CSMD1: variants seen among roughly 807,000 people sequenced by gnomAD.
CSMD1 encodes CUB and sushi domain-containing protein 1.
Under a neutral mutation model 417.5 loss-of-function variants are expected in CSMD1, and 213 were observed. The ratio of observed to expected loss-of-function variants is 0.51; its 90% CI spans 0.46 to 0.57. The LOEUF (loss-of-function observed/expected upper bound fraction) is 0.57, where lower values mean the gene tolerates loss of function less well. Among genes scored for constraint, CSMD1 ranks in the 20% least tolerant of loss-of-function variants. The pLI is 0.00. For missense variants in CSMD1, 6,923 were observed against 4,529.7 expected, an observed-to-expected ratio of 1.53 and a Z score of -15.17; for synonymous variants, 2,862 against 1,736.8, an observed-to-expected ratio of 1.65 and a Z score of -16.11.
chr8:3,734,446 C>T (rs550425378), intron 6 of CSMD1, among the ~76,000 whole-genome samples: 3 of 152,338 alleles, frequency 2.0e-5, no homozygotes, highest in East Asian at 1.9e-4. Flanking sequence ...TGCGATGGCT[C>T]ACGCCTGTAA....
At chr8:4,232,402 T>G (rs544959893) in intron 3 of CSMD1, among the ~76,000 whole-genome samples, 35 of 152,290 alleles carry the variant, frequency 2.3e-4, no homozygotes, top group African/African-American at 8.4e-4. Context: ...TTTCCCCACG[T>G]TGGCCAGCTT....
chr8:3,688,076 G>A (rs1039053642), intron 7 of CSMD1, among the ~76,000 whole-genome samples: 4 of 152,214 alleles, frequency 2.6e-5, no homozygotes, highest in African/African-American at 9.6e-5. Flanking sequence ...TCCTCAGGAA[G>A]TTCAGCAGGC....
chr8:3,792,545 A>T (rs1016642407), intron 5 of CSMD1, among the ~76,000 whole-genome samples: 1 of 152,182 alleles, frequency 6.6e-6, no homozygotes, highest in African/African-American at 2.4e-5. Flanking sequence ...TATTTTTCAG[A>T]CTAGTAACTT....
intron 1 of CSMD1, among the ~76,000 whole-genome samples, chr8:4,945,131 G>C (rs747935356): frequency 6.6e-6 from 1 of 152,146 alleles, no homozygotes; most frequent in Non-Finnish European, 1.5e-5. Flanking sequence ...TATAATCAGC[G>C]TAATTAGCCA....
chr8:3,658,521 G>A (rs956679085), intron 7 of CSMD1, among the ~76,000 whole-genome samples: 5 of 149,522 alleles, frequency 3.3e-5, no homozygotes, highest in African/African-American at 9.8e-5. Context: ...GGTGTCTCAT[G>A]CCTGTAATCC....
intron 12 of CSMD1, among the ~76,000 whole-genome samples, chr8:3,416,531 A>G (rs1345769747): frequency 6.6e-6 from 1 of 152,176 alleles, no homozygotes; most frequent in African/African-American, 2.4e-5. Flanking sequence ...GAAGGCAGAA[A>G]GGAATGAGAC....
At chr8:4,704,883 G>A (rs1807819979) in intron 1 of CSMD1, among the ~76,000 whole-genome samples, 1 of 152,070 alleles carries the variant, frequency 6.6e-6, no homozygotes, top group African/African-American at 2.4e-5. Context: ...AAACCCTATG[G>A]TAAAGAAAAC....
At chr8:3,733,299 T>C (rs1796362805) in intron 6 of CSMD1, among the ~76,000 whole-genome samples, 1 of 147,752 alleles carries the variant, frequency 6.8e-6, no homozygotes, top group Admixed American at 6.8e-5. Flanking sequence ...TACATATGAA[T>C]ATATATACAC....
chr8:3,423,401 G>GA (rs1322982199), intron 12 of CSMD1, among the ~76,000 whole-genome samples: 1 of 152,102 alleles, frequency 6.6e-6, no homozygotes, highest in African/African-American at 2.4e-5. Context: ...CTCTCTTCCA[G>GA]AATTTCATAT....
At chr8:4,748,953 T>C (rs1435077910) in intron 1 of CSMD1, among the ~76,000 whole-genome samples, 1 of 152,224 alleles carries the variant, frequency 6.6e-6, no homozygotes, top group African/African-American at 2.4e-5. Flanking sequence ...CTTAACTCAC[T>C]ACAATTCTTC....
At chr8:3,311,981 C>A (rs1343232897) in intron 23 of CSMD1, among the ~76,000 whole-genome samples, 5 of 152,102 alleles carry the variant, frequency 3.3e-5, no homozygotes. Context: ...AAAAGGTTAA[C>A]AAAGTTCTAA....
rs552639831 is a variant in CSMD1, at chr8:3,773,480, T to A, written c.819-19438A>T. Among the ~76,000 whole-genome samples the A allele has an allele frequency of 2.9e-4, 44 of 152,178 alleles. No homozygotes were observed. The South Asian group carries it at 8.3e-3, about 29-fold the overall frequency. On this transcript the variant is annotated intron_variant, in intron 5 of 69. Coordinates refer to ENST00000635120, the MANE Select transcript of CSMD1 (RefSeq NM_033225.6). ...TATTGTATTTTTTGTAGAGATTGGG[T>A]CTCACCGTGTTTCCCAGGCTGGTCT... is the stretch of plus-strand genomic sequence containing the variant.
chr8:4,904,281 G>C (rs1471282176), intron 1 of CSMD1, among the ~76,000 whole-genome samples: 1 of 152,148 alleles, frequency 6.6e-6, no homozygotes, highest in Non-Finnish European at 1.5e-5. Flanking sequence ...TAGGAACAAT[G>C]AAAGTACAGT....
At chr8:3,378,958 T>C (rs1810474722) in intron 18 of CSMD1, among the ~76,000 whole-genome samples, 1 of 152,208 alleles carries the variant, frequency 6.6e-6, no homozygotes, top group Non-Finnish European at 1.5e-5. Flanking sequence ...AGTCAAATTG[T>C]CTCTGTTTGG....
intron 49 of CSMD1, among the ~76,000 whole-genome samples, chr8:3,067,754 TTAA>T (rs982305858): frequency 1.3e-5 from 2 of 151,938 alleles, no homozygotes; most frequent in East Asian, 1.9e-4. Flanking sequence ...ATATTAATGT[TTAA>T]TAATAATAAT....
chr8:4,746,917 C>G (rs1283491294), intron 1 of CSMD1, among the ~76,000 whole-genome samples: 2 of 152,160 alleles, frequency 1.3e-5, no homozygotes, highest in Admixed American at 6.5e-5. Flanking sequence ...GTGGGACACT[C>G]TAGTGTAATG....
At chr8:3,177,350 G>A (rs1821006359) in intron 37 of CSMD1, among the ~76,000 whole-genome samples, 1 of 152,184 alleles carries the variant, frequency 6.6e-6, no homozygotes, top group Non-Finnish European at 1.5e-5. Flanking sequence ...CCAGTGCAGA[G>A]GCTCTGTGAC....
chr8:4,122,635 C>A (rs1009565223), intron 3 of CSMD1, among the ~76,000 whole-genome samples: 20 of 152,140 alleles, frequency 1.3e-4, no homozygotes, highest in Non-Finnish European at 2.6e-4. Context: ...AGCCTCCAAT[C>A]GCCAAACCAA....
intron 7 of CSMD1, among the ~76,000 whole-genome samples, chr8:3,643,993 C>A (rs550676673): frequency 6.6e-6 from 1 of 152,268 alleles, no homozygotes; most frequent in South Asian, 2.1e-4. Context: ...ACGGTGAATT[C>A]ATCGCTGTTG....
Sources: gnomAD v4.1 joint callset for allele counts (sites outside exome capture counted in the v4.1 genomes callset) on GRCh38, gnomAD v4.1.1 for gene constraint, MANE v1.5 for transcripts, NCBI Gene and HGNC (gene_info 2026-07-23, HGNC 2026-07-21) for gene names.